TMTC3: variants seen among roughly 807,000 people sequenced by gnomAD.
TMTC3 encodes the protein protein O-mannosyl-transferase TMTC3.
Under a neutral mutation model 92.2 loss-of-function variants are expected in TMTC3, and 52 were observed. The observed-to-expected ratio is 0.56, with a 90% CI of 0.45 to 0.71. The LOEUF (loss-of-function observed/expected upper bound fraction) is 0.71, where lower values mean the gene tolerates loss of function less well. TMTC3 is among the 30% of genes least tolerant of loss of function. The pLI, the probability that TMTC3 is intolerant of heterozygous loss-of-function variation, is 0.00. For synonymous variants in TMTC3, 339 were observed against 363.3 expected, an observed-to-expected ratio of 0.93 and a Z score of 0.76; for missense variants, 896 against 1,057.1, an observed-to-expected ratio of 0.85 and a Z score of 2.11.
intron 7 of TMTC3, among the ~76,000 whole-genome samples, chr12:88,167,992 A>G (rs1484703545): frequency 1.3e-5 from 2 of 152,328 alleles, no homozygotes; most frequent in South Asian, 2.1e-4. Context: ...ACTCATACTC[A>G]TAATGGAAGC....
chr12:88,175,159 A>G (rs2041245593), intron 9 of TMTC3, among the ~76,000 whole-genome samples: 1 of 152,076 alleles, frequency 6.6e-6, no homozygotes, highest in South Asian at 2.1e-4. Context: ...TCAATTCAGT[A>G]AAATAAAATG....
intron 2 of TMTC3, among the ~76,000 whole-genome samples, chr12:88,149,119 G>A (rs1038634920): frequency 2.0e-5 from 3 of 152,020 alleles, no homozygotes; most frequent in African/African-American, 7.2e-5. Flanking sequence ...AGAAGAAGTG[G>A]TTATTACAAA....
intron 1 of TMTC3, among the ~76,000 whole-genome samples, chr12:88,143,246 T>C (rs1226969212): frequency 2.0e-5 from 3 of 152,188 alleles, no homozygotes; most frequent in Non-Finnish European, 4.4e-5. Flanking sequence ...TGAGTTTCTT[T>C]TTAAACCCCC....
chr12:88,160,051 A>G, intron 4 of TMTC3, 63 bp from the exon 5 acceptor site: 1 of 1,117,610 alleles, frequency 8.9e-7, no homozygotes, highest in South Asian at 1.5e-5. Context: ...AGTTTAAAAT[A>G]TCTTTTTTTG....
At chr12:88,176,939 G>C (rs573148163) in intron 10 of TMTC3, among the ~76,000 whole-genome samples, 1 of 152,268 alleles carries the variant, frequency 6.6e-6, no homozygotes, top group African/African-American at 2.4e-5. Context: ...AATTCGTATA[G>C]AAAACTCTTT....
chr12:88,163,723 A>G (rs1479224294), intron 6 of TMTC3, among the ~76,000 whole-genome samples: 1 of 152,124 alleles, frequency 6.6e-6, no homozygotes, highest in Non-Finnish European at 1.5e-5. Context: ...TGAGGACCCC[A>G]GTCGTTGGAT....
intron 7 of TMTC3, among the ~76,000 whole-genome samples, chr12:88,167,698 G>A (rs1417224509): frequency 2.0e-5 from 3 of 152,182 alleles, no homozygotes; most frequent in Non-Finnish European, 4.4e-5. Context: ...GAGATACAGA[G>A]TAGATTTAAA....
Position 88,160,225 on chromosome 12 carries a change from A to AG in TMTC3, c.624+1dup. The AG allele has an allele frequency of 6.6e-7, 1 of 1,525,244 alleles. No homozygotes were observed. Among genetic ancestry groups the AG allele is most frequent in the Non-Finnish European group, 8.8e-7 (1 of 1,139,216 alleles). The allele number at this position is 1,525,244 out of a possible 1,614,324, so 94.5% of individuals were successfully genotyped here. A position where few individuals can be genotyped will look rare whatever the true frequency, so the allele number is the denominator to read the frequency against. On this transcript the variant is annotated frameshift_variant, in exon 5 of 14. Transcript: ENST00000266712. LOFTEE classifies it high-confidence loss of function. Reference sequence around the variant, plus strand: ...TGTGTGTATGAAGTGTTTATTGCCCAGGGGGTAAGCCAAACTATAAATATA... The same window carrying AG: ...TGTGTGTATGAAGTGTTTATTGCCCAGGGGGGTAAGCCAAACTATAAATATA...
In TMTC3 at chr12:88,194,811, T is replaced by A. The variant is rs768662028; in HGVS notation, c.1934-27T>A. On this transcript the variant is annotated intron_variant, in intron 13 of 13. Transcript: ENST00000266712. ...ACATTTAATTATTTTATTAACAATATATTTTTTCTTTAAAAAAACTTTCTA... is the reference window on the plus strand; with the variant it reads ...ACATTTAATTATTTTATTAACAATAAATTTTTTCTTTAAAAAAACTTTCTA... The A allele has an allele frequency of 2.9e-6, 4 of 1,391,232 alleles. No individual in the cohort carries two copies. The African/African-American group carries it at 4.4e-5, about 15-fold the overall frequency. The allele number at this position is 1,391,232 out of a possible 1,614,324, so 86.2% of individuals were successfully genotyped here. A position where few individuals can be genotyped will look rare whatever the true frequency, so the allele number is the denominator to read the frequency against.
chr12:88,195,630 G>C lies in TMTC3; in HGVS notation c.2726G>C (p.Arg909Pro), dbSNP rs746824337. The change falls in exon 14 of 14, where the codon CGT (arginine) becomes CCT (proline). Residue 909 changes from arginine (R) to proline (P), a missense_variant. Coordinates refer to ENST00000266712, the MANE Select transcript of TMTC3 (RefSeq NM_181783.4). ...TTAAAAAGACTAGAAGAGATTGAAC[G>C]TATTTTAAATGGTGAATAACATTAA... is the stretch of plus-strand genomic sequence containing the variant. Reference protein sequence around the residue: ...AALKRLEEIERILNGE With the variant: ...AALKRLEEIEPILNGE 6.3e-7 allele frequency: 1 copy of C among 1,589,868 alleles called. No individual in the cohort carries two copies. Among genetic ancestry groups the C allele is most frequent in the Non-Finnish European group, 8.5e-7 (1 of 1,172,406 alleles).
chr12:88,174,590 T>C lies in TMTC3; in HGVS notation c.1200-17T>C, dbSNP rs1592739619. ...TGAAGACAATTTTTTTTGTTTTGCT[T>C]TTTTTCTCTTAAACAGTGTATTTAA... On this transcript the variant is annotated splice_polypyrimidine_tract_variant and intron_variant, in intron 8 of 13. Coordinates refer to ENST00000266712, the MANE Select transcript of TMTC3 (RefSeq NM_181783.4). The C allele has an allele frequency of 1.3e-6, 2 of 1,588,916 alleles. No homozygotes were observed. Among genetic ancestry groups the C allele is most frequent in the Non-Finnish European group, 8.5e-7 (1 of 1,171,976 alleles).
At chr12:88,172,554 T>A (rs1454804690) in intron 7 of TMTC3, 43 bp from the exon 8 acceptor site, 2 of 1,103,002 alleles carry the variant, frequency 1.8e-6, no homozygotes, top group East Asian at 6.8e-5. Flanking sequence ...TAAATTATTT[T>A]AAATTTATTA....
At chr12:88,188,403 T>C (rs1256411731) in intron 10 of TMTC3, among the ~76,000 whole-genome samples, 2 of 152,090 alleles carry the variant, frequency 1.3e-5, no homozygotes, top group Non-Finnish European at 2.9e-5. Flanking sequence ...TGTAGTAAAA[T>C]ACAATGAAGG....
At chr12:88,167,988 A>C (rs1321198641) in intron 7 of TMTC3, among the ~76,000 whole-genome samples, 1 of 152,174 alleles carries the variant, frequency 6.6e-6, no homozygotes, top group Non-Finnish European at 1.5e-5. Flanking sequence ...GTTCACTCAT[A>C]CTCATAATGG....
At chr12:88,188,531 A>T (rs527992551) in intron 10 of TMTC3, among the ~76,000 whole-genome samples, 1 of 152,060 alleles carries the variant, frequency 6.6e-6, no homozygotes, top group African/African-American at 2.4e-5. Context: ...TTATGTCTCA[A>T]CTCTTCAAAA....
chr12:88,192,923 T>A, intron 13 of TMTC3, 93 bp downstream of exon 13: 1 of 1,020,418 alleles, frequency 9.8e-7, no homozygotes, highest in Non-Finnish European at 1.4e-6. Context: ...GCAAACACTT[T>A]ATGTATTGAC....
At chr12:88,183,073 T>G (rs1168290807) in intron 10 of TMTC3, among the ~76,000 whole-genome samples, 1 of 152,162 alleles carries the variant, frequency 6.6e-6, no homozygotes. Flanking sequence ...AATGGGCGAA[T>G]TCCAAGGGCT....
In TMTC3 at chr12:88,194,940, T is replaced by C. The variant is rs1416221960; in HGVS notation, c.2036T>C (p.Met679Thr). ...NGYFNLGMLA[M>T]DDKKDNEAEI... ...TATTTCAATTTGGGAATGCTTGCCA[T>C]GGATGACAAAAAGGACAATGAAGCA... Residue 679 changes from methionine (M) to threonine (T), a missense_variant, in exon 14 of 14, where the codon ATG becomes ACG. Physicochemically the swap from Met to Thr is moderately conservative, Grantham distance 81 (BLOSUM62 -1). Transcript: ENST00000266712. The C allele has an allele frequency of 3.7e-6, 6 of 1,613,648 alleles. No homozygotes were observed. Among genetic ancestry groups the C allele is most frequent in the Non-Finnish European group, 3.4e-6 (4 of 1,179,898 alleles).
chr12:88,176,160 G>T, intron 9 of TMTC3, 48 bp from the exon 10 acceptor site: 1 of 1,261,454 alleles, frequency 7.9e-7, no homozygotes, highest in Non-Finnish European at 1.1e-6. Flanking sequence ...ATGAACTGGA[G>T]TCATTTTTTT....
Sources: gnomAD v4.1 joint callset for allele counts (sites outside exome capture counted in the v4.1 genomes callset) on GRCh38, gnomAD v4.1.1 for gene constraint, MANE v1.5 for transcripts, NCBI Gene and HGNC (gene_info 2026-07-23, HGNC 2026-07-21) for gene names.